Variants in HS1BP3 observed in about 807,000 individuals in gnomAD.
HS1BP3 encodes HCLS1 binding protein 3.
HS1BP3 carries 32 observed loss-of-function variants against 33.5 expected under a neutral mutation model. That is an observed-to-expected ratio of 0.95 (90% CI 0.72 to 1.28). The LOEUF (loss-of-function observed/expected upper bound fraction) is 1.28. Ranked by LOEUF, HS1BP3 falls within the 50% of genes most tolerant of loss-of-function variation. The pLI is 0.00. For missense variants in HS1BP3, 486 were observed against 502.3 expected, an observed-to-expected ratio of 0.97 and a Z score of 0.31; for synonymous variants, 187 against 209.2, an observed-to-expected ratio of 0.89 and a Z score of 0.92.
chr2:20,593,402 C>T (rs1401467740), intron 3 of HS1BP3, among the ~76,000 whole-genome samples: 1 of 152,184 alleles, frequency 6.6e-6, no homozygotes, highest in South Asian at 2.1e-4. Flanking sequence ...TGCTGTGTCC[C>T]AGCGGCTAGA....
intron 5 of HS1BP3, among the ~76,000 whole-genome samples, chr2:20,562,952 C>G (rs2149269846): frequency 6.6e-6 from 1 of 152,320 alleles, no homozygotes; most frequent in Non-Finnish European, 1.5e-5. Flanking sequence ...TCCCCGCTCC[C>G]CAGTACGCGA....
downstream of HS1BP3, among the ~76,000 whole-genome samples, chr2:20,588,722 C>T (rs1693741308): frequency 6.6e-6 from 1 of 152,234 alleles, no homozygotes; most frequent in Admixed American, 6.5e-5. Context: ...CTTGCAGCCC[C>T]TCTGCCCTCC....
chr2:20,562,727 G>A (rs1421613008), intron 5 of HS1BP3, among the ~76,000 whole-genome samples: 1 of 152,154 alleles, frequency 6.6e-6, no homozygotes, highest in East Asian at 1.9e-4. Flanking sequence ...TGTCTCCAGG[G>A]GGATAGTGTC....
Position 20,619,133 on chromosome 2 carries a change from C to G in HS1BP3, c.1033G>C (p.Ala345Pro). The change falls in exon 7 of 7, where the codon GCT becomes CCT. Residue 345 changes from alanine to proline, a missense_variant. Physicochemically the swap from Ala to Pro is conservative, Grantham distance 27. Coordinates refer to ENST00000304031, the MANE Select transcript of HS1BP3 (RefSeq NM_022460.4). ...GCCGGGCCCGCTTTGGGGGGAACAG[C>G]TGGTTTTCTGGGTATCACCGGCTTA... ...AAKPVIPRKP[A>P]VPPKAGPAEA... 6.2e-7 allele frequency: 1 copy of G among 1,614,176 alleles called. No individual in the cohort carries two copies. The highest frequency in any genetic ancestry group is 8.5e-7 in the Non-Finnish European group (1 of 1,180,012).
intron 3 of HS1BP3, among the ~76,000 whole-genome samples, chr2:20,638,984 G>A (rs1305667075): frequency 1.3e-5 from 2 of 152,258 alleles, no homozygotes; most frequent in Non-Finnish European, 2.9e-5. Context: ...GCCTGTGTGC[G>A]CCGCAGGGAT....
intron 1 of HS1BP3, among the ~76,000 whole-genome samples, chr2:20,646,029 C>T (rs772846389): frequency 3.3e-5 from 5 of 152,336 alleles, no homozygotes; most frequent in Admixed American, 6.5e-5. Context: ...CTGATAGGCC[C>T]GTCCCTCATC....
intron 5 of HS1BP3, among the ~76,000 whole-genome samples, chr2:20,569,171 G>A (rs1271130892): frequency 6.6e-6 from 1 of 152,102 alleles, no homozygotes; most frequent in Admixed American, 6.6e-5. Context: ...AGAAAGGGAG[G>A]CCCATGTCCC....
At chr2:20,564,874 G>A (rs1207200605) in intron 5 of HS1BP3, among the ~76,000 whole-genome samples, 1 of 152,174 alleles carries the variant, frequency 6.6e-6, no homozygotes, top group African/African-American at 2.4e-5. Flanking sequence ...TATGGAAAAG[G>A]CACCTACAGA....
Position 20,638,458 on chromosome 2 carries a change from G to T in HS1BP3, c.601C>A (p.Leu201Met). The change falls in exon 4 of 7, where the codon CTG becomes ATG. Residue 201 changes from leucine (L) to methionine (M), a missense_variant. Leu to Met is a conservative substitution (Grantham distance 15). Transcript: ENST00000304031. ...AACCGCATAATGCCCAGAGGGTCCA[G>T]CGCCTCCTCCTCCTCCAAGGATTCC... ...AEESLEEEEA[L>M]DPLGIMRSKK... 1 of 1,614,190 alleles carries T rather than the reference G, an allele frequency of 6.2e-7. No homozygotes were observed. Among genetic ancestry groups the T allele is most frequent in the Non-Finnish European group, 8.5e-7 (1 of 1,180,012 alleles).
rs749624283 is a variant in HS1BP3, at chr2:20,640,994, G to A, written c.385C>T (p.Pro129Ser). 6.2e-7 allele frequency: 1 copy of A among 1,614,144 alleles called. No homozygotes were observed. Residue 129 changes from proline (P) to serine (S), a missense_variant, in exon 3 of 7, where the codon CCA becomes TCA. By Grantham distance (74) the Pro-to-Ser change is moderately conservative. Coordinates refer to ENST00000304031, the MANE Select transcript of HS1BP3 (RefSeq NM_022460.4). ...VSKDAELAGSPELLEFLGTRS... is the reference protein window; with the variant it reads ...VSKDAELAGSSELLEFLGTRS... ...GTACCTAAGAACTCTAGCAGCTCTGGGCTGCCTGCCAACTCGGCATCCTTG... is the reference window on the plus strand; with the variant it reads ...GTACCTAAGAACTCTAGCAGCTCTGAGCTGCCTGCCAACTCGGCATCCTTG...
At chr2:20,592,338 G>T, downstream of HS1BP3, 1 of 49,652 alleles carries the variant, frequency 2.0e-5, no homozygotes. Context: ...CCCCCGCCCC[G>T]CCCCGCCCAT....
chr2:20,642,718 C>T (rs552405613), intron 2 of HS1BP3, among the ~76,000 whole-genome samples: 11 of 152,378 alleles, frequency 7.2e-5, no homozygotes, highest in African/African-American at 2.4e-4. Flanking sequence ...GGCCCACGTC[C>T]ATCAGGGGTT....
chr2:20,623,526 T>C (rs72782396), intron 6 of HS1BP3: 27,543 of 160,898 alleles, frequency 0.17, 2,661 homozygotes, highest in Non-Finnish European at 0.21. Flanking sequence ...CTGGGTGGGC[T>C]GCATGCTGCC....
At chr2:20,645,234 G>C in intron 2 of HS1BP3, 106 bp downstream of exon 2, 1 of 1,171,228 alleles carries the variant, frequency 8.5e-7, no homozygotes, top group Non-Finnish European at 1.2e-6. Context: ...GCAACAGACA[G>C]AGAAGCACTT....
At chr2:20,631,516 CAAAAAAAAAA>C (rs529653146) in intron 4 of HS1BP3, among the ~76,000 whole-genome samples, 2 of 63,184 alleles carry the variant, frequency 3.2e-5, no homozygotes, top group Non-Finnish European at 5.7e-5. Flanking sequence ...GAACCTGTCT[CAAAAAAAAAA>C]AAAAAAAAAA....
chr2:20,631,143 G>A (rs544370088), intron 4 of HS1BP3, among the ~76,000 whole-genome samples: 1 of 152,272 alleles, frequency 6.6e-6, no homozygotes, highest in South Asian at 2.1e-4. Flanking sequence ...GAGGTCTGGG[G>A]TCCTGGGAGC....
At chr2:20,643,209 T>G (rs1338187195) in intron 2 of HS1BP3, among the ~76,000 whole-genome samples, 1 of 151,894 alleles carries the variant, frequency 6.6e-6, no homozygotes, top group Non-Finnish European at 1.5e-5. Context: ...CCACGAGGAG[T>G]GGGCGTCACT....
At chr2:20,577,729 G>A (rs985840866) in intron 5 of HS1BP3, among the ~76,000 whole-genome samples, 3 of 152,186 alleles carry the variant, frequency 2.0e-5, no homozygotes, top group Non-Finnish European at 4.4e-5. Context: ...AGCTGGAATT[G>A]CCAGGCCTCT....
At chr2:20,591,316 G>A, downstream of HS1BP3, 1 of 166,864 alleles carries the variant, frequency 6.0e-6, no homozygotes. Flanking sequence ...CTCACTCCCT[G>A]CACACTCCAA....
Sources: gnomAD v4.1 joint callset for allele counts (sites outside exome capture counted in the v4.1 genomes callset) on GRCh38, gnomAD v4.1.1 for gene constraint, MANE v1.5 for transcripts, NCBI Gene and HGNC (gene_info 2026-07-23, HGNC 2026-07-21) for gene names.